SDK1: variants seen among roughly 807,000 people sequenced by gnomAD.
SDK1 encodes protein sidekick-1.
A neutral mutation model predicts 245.5 loss-of-function variants in SDK1; 157 were observed. The observed-to-expected ratio is 0.64, with a 90% confidence interval of 0.56 to 0.73. The LOEUF (loss-of-function observed/expected upper bound fraction) is 0.73. Among genes scored for constraint, SDK1 ranks in the 30% least tolerant of loss-of-function variants. The pLI, the probability that SDK1 is intolerant of heterozygous loss-of-function variation, is 0.00. For missense variants in SDK1, 3,583 were observed against 3,002.3 expected, an observed-to-expected ratio of 1.19 and a Z score of -4.52; for synonymous variants, 1,647 against 1,278.5, an observed-to-expected ratio of 1.29 and a Z score of -6.15.
chr7:4,209,973 A>G, intron 37 of SDK1, 52 bp from the exon 38 acceptor site: 1 of 1,433,840 alleles, frequency 7.0e-7, no homozygotes, highest in Non-Finnish European at 9.3e-7. Context: ...ATGTATGTAT[A>G]TGATCTATGT....
At chr7:3,931,346 A>C (rs1177699898) in intron 5 of SDK1, among the ~76,000 whole-genome samples, 1 of 152,202 alleles carries the variant, frequency 6.6e-6, no homozygotes, top group East Asian at 1.9e-4. Flanking sequence ...TGTTCATACA[A>C]CTATATTGAT....
chr7:4,053,260 C>A lies in SDK1; in HGVS notation c.2911+1430C>A, dbSNP rs549626901. 8.6e-5 allele frequency among the ~76,000 whole-genome samples: 13 copies of A among 152,036 alleles called. 1 individual carries two copies. The highest frequency in any genetic ancestry group is 8.5e-4 in the Admixed American group (13 of 15,270). On this transcript the variant is annotated intron_variant, in intron 19 of 44. Coordinates refer to ENST00000404826, the MANE Select transcript of SDK1 (RefSeq NM_152744.4). ...CCCGTTTTTGGACTCCCAGCCTCAC[C>A]GCACTCCCAGCAGGTGACATTTGCA...
At chr7:3,451,838 T>C (rs965217682) in intron 1 of SDK1, among the ~76,000 whole-genome samples, 2 of 152,072 alleles carry the variant, frequency 1.3e-5, no homozygotes, top group African/African-American at 4.8e-5. Context: ...ATCAAACTAG[T>C]GTAGTAAGTG....
rs73300219 is a variant in SDK1, at chr7:3,670,803, G to C, written c.713+28698G>C. Among the ~76,000 whole-genome samples, 1,057 of 152,278 alleles carry C rather than the reference G, an allele frequency of 6.9e-3. 11 individuals carry two copies. The highest frequency in any genetic ancestry group is 0.024 in the African/African-American group (987 of 41,554). On this transcript the variant is annotated intron_variant, in intron 4 of 44. Coordinates refer to ENST00000404826, the MANE Select transcript of SDK1 (RefSeq NM_152744.4). ...ACAGACCCAGTTTATGTCTGTTGTAGATCAGTTAACATTTACTGTTTTTAG... is the reference window on the plus strand; with the variant it reads ...ACAGACCCAGTTTATGTCTGTTGTACATCAGTTAACATTTACTGTTTTTAG...
intron 5 of SDK1, among the ~76,000 whole-genome samples, chr7:3,887,744 G>A (rs1023573325): frequency 2.6e-5 from 4 of 152,188 alleles, no homozygotes; most frequent in Non-Finnish European, 5.9e-5. Flanking sequence ...CTCCAAGTGG[G>A]TGGGGAGTAA....
chr7:4,072,906 G>A (rs1269421383), intron 20 of SDK1, among the ~76,000 whole-genome samples: 1 of 152,254 alleles, frequency 6.6e-6, no homozygotes, highest in African/African-American at 2.4e-5. Flanking sequence ...GGCTGCGCCT[G>A]CCCGAGTAAA....
chr7:4,245,886 T>A, intron 44 of SDK1, 81 bp downstream of exon 44: 2 of 1,542,830 alleles, frequency 1.3e-6, no homozygotes, highest in East Asian at 2.3e-5. Flanking sequence ...CAGGCTGTCT[T>A]GTCCTATTTG....
chr7:3,396,932 T>G (rs1184437015), intron 1 of SDK1, among the ~76,000 whole-genome samples: 2 of 151,780 alleles, frequency 1.3e-5, no homozygotes, highest in African/African-American at 4.8e-5. Flanking sequence ...TTTTGTTCCT[T>G]CATTCCTCCA....
intron 1 of SDK1, among the ~76,000 whole-genome samples, chr7:3,584,467 G>A (rs748203444): frequency 3.9e-5 from 6 of 152,126 alleles, no homozygotes; most frequent in Non-Finnish European, 8.8e-5. Context: ...GTTGCTAAGC[G>A]GCCACCAAGG....
chr7:3,778,309 G>A (rs1232752155), intron 4 of SDK1, among the ~76,000 whole-genome samples: 1 of 152,108 alleles, frequency 6.6e-6, no homozygotes, highest in African/African-American at 2.4e-5. Flanking sequence ...GCATGAAAAA[G>A]CAAGGTGATA....
chr7:4,127,403 C>T lies in SDK1; in HGVS notation c.3846C>T (p.Asn1282=), dbSNP rs139165481. The change falls in exon 26 of 45, where the codon AAC becomes AAT. Residue 1282 remains asparagine (N), a synonymous_variant. Transcript: ENST00000404826. The stretch of plus-strand genomic sequence containing the variant: ...CAGTTCCTTCAGCCGCCCCTGAGAA[C>T]GTGTCAGCCGAGGCTGTCAGCTCGA... ...RESVPSAAPE[N]VSAEAVSSTQ... 14 of 1,614,138 alleles carry T rather than the reference C, an allele frequency of 8.7e-6. No homozygotes were observed. The highest frequency in any genetic ancestry group is 2.2e-5 in the South Asian group (2 of 91,072).
intron 17 of SDK1, among the ~76,000 whole-genome samples, chr7:4,029,025 G>A (rs895730729): frequency 2.0e-5 from 3 of 150,638 alleles, no homozygotes; most frequent in African/African-American, 7.4e-5. Flanking sequence ...TGCTCAAAGT[G>A]CGGCACATTC....
In SDK1 at chr7:4,148,290, C is replaced by G. The variant is rs148683971; in HGVS notation, c.4424-972C>G. Reference sequence around the variant, plus strand: ...TGCAGCTTTACACACGCCACGCATTCTAATCAGAATCAATAATCTTCATGA... The same window carrying G: ...TGCAGCTTTACACACGCCACGCATTGTAATCAGAATCAATAATCTTCATGA... On this transcript the variant is annotated intron_variant, in intron 29 of 44. Coordinates refer to ENST00000404826, the MANE Select transcript of SDK1 (RefSeq NM_152744.4). Among the ~76,000 whole-genome samples the G allele has an allele frequency of 8.3e-4, 126 of 152,356 alleles. 1 individual carries two copies. Among genetic ancestry groups the G allele is most frequent in the African/African-American group, 2.8e-3 (115 of 41,588 alleles).
At chr7:3,409,440 C>T (rs1267899098) in intron 1 of SDK1, among the ~76,000 whole-genome samples, 3 of 152,088 alleles carry the variant, frequency 2.0e-5, no homozygotes, top group African/African-American at 7.2e-5. Context: ...TCTGCCTCTT[C>T]ACCCTTGGCT....
At chr7:3,391,778 C>T (rs527918677) in intron 1 of SDK1, among the ~76,000 whole-genome samples, 1 of 151,158 alleles carries the variant, frequency 6.6e-6, no homozygotes, top group East Asian at 2.0e-4. Flanking sequence ...CTGGTGTGTG[C>T]CATAATGCCT....
chr7:3,661,669 C>T (rs1388222564), intron 4 of SDK1, among the ~76,000 whole-genome samples: 1 of 152,084 alleles, frequency 6.6e-6, no homozygotes, highest in Non-Finnish European at 1.5e-5. Flanking sequence ...CATTATTTTG[C>T]TGTTTTTAAC....
chr7:3,596,453 A>T (rs1166963391), intron 1 of SDK1, among the ~76,000 whole-genome samples: 1 of 152,142 alleles, frequency 6.6e-6, no homozygotes, highest in Non-Finnish European at 1.5e-5. Context: ...AAGGATTTTT[A>T]ATTGAGGTAA....
At chr7:3,424,175 G>A (rs949389551) in intron 1 of SDK1, among the ~76,000 whole-genome samples, 1 of 152,168 alleles carries the variant, frequency 6.6e-6, no homozygotes, top group Non-Finnish European at 1.5e-5. Context: ...GCCTGCCTAA[G>A]TGCTGGGATT....
chr7:3,453,108 G>A (rs1435390403), intron 1 of SDK1, among the ~76,000 whole-genome samples: 2 of 152,014 alleles, frequency 1.3e-5, no homozygotes, highest in Admixed American at 1.3e-4. Context: ...TGCCACTGGT[G>A]TCTAGAACTT....
Sources: allele counts gnomAD v4.1 joint callset (sites outside exome capture counted in the v4.1 genomes callset), GRCh38; gene constraint gnomAD v4.1.1; transcripts MANE v1.5; gene names NCBI Gene and HGNC (gene_info 2026-07-23, HGNC 2026-07-21).